SDCCAG8: variants seen among roughly 807,000 people sequenced by gnomAD.
The protein encoded by SDCCAG8 is serologically defined colon cancer antigen 8.
In SDCCAG8, 74 loss-of-function variants were observed where a neutral mutation model predicts 101.8. The ratio of observed to expected loss-of-function variants is 0.73; its 90% CI spans 0.60 to 0.88. The LOEUF (loss-of-function observed/expected upper bound fraction) is 0.88, where lower values mean the gene tolerates loss of function less well. SDCCAG8 is among the 40% of genes least tolerant of loss of function. The pLI is 0.00. For missense variants in SDCCAG8, 787 were observed against 822.6 expected, an observed-to-expected ratio of 0.96 and a Z score of 0.53; for synonymous variants, 281 against 292.9, an observed-to-expected ratio of 0.96 and a Z score of 0.41.
At chr1:243,283,999 C>T (rs2069336289) in intron 4 of SDCCAG8, among the ~76,000 whole-genome samples, 1 of 152,216 alleles carries the variant, frequency 6.6e-6, no homozygotes, top group African/African-American at 2.4e-5. Flanking sequence ...CCACCTTGGC[C>T]TCCCAAAGTG....
intron 6 of SDCCAG8, among the ~76,000 whole-genome samples, chr1:243,304,472 C>A (rs1021133390): frequency 1.3e-5 from 2 of 152,086 alleles, no homozygotes; most frequent in Non-Finnish European, 2.9e-5. Context: ...AGGGATAAGA[C>A]CTGATATATG....
chr1:243,267,762 C>G lies in SDCCAG8; in HGVS notation c.68-2343C>G, dbSNP rs938895106. 1.0e-5 allele frequency: 8 copies of G among 801,180 alleles called. No homozygotes were observed. The African/African-American group carries it at 1.3e-4, about 13-fold the overall frequency. 49.6% of individuals were successfully genotyped at this position (801,180 alleles called of 1,614,324 possible). A position where few individuals can be genotyped will look rare whatever the true frequency, so the allele number is the denominator to read the frequency against. ...CTTGGATCCTTGGCGATCCTTAGAG[C>G]CACTCAATACTTCTGCCCCAATTTC... is the stretch of plus-strand genomic sequence containing the variant. On this transcript the variant is annotated intron_variant, in intron 1 of 17. Transcript: ENST00000366541.
intron 1 of SDCCAG8, among the ~76,000 whole-genome samples, chr1:243,269,474 G>C (rs2067905812): frequency 6.6e-6 from 1 of 151,950 alleles, no homozygotes; most frequent in African/African-American, 2.4e-5. Context: ...TCTAGGGGTG[G>C]TCAGTTGCAC....
At chr1:243,310,711 T>G (rs1040537787) in intron 8 of SDCCAG8, among the ~76,000 whole-genome samples, 6 of 152,170 alleles carry the variant, frequency 3.9e-5, no homozygotes, top group African/African-American at 1.4e-4. Flanking sequence ...AGAAAAAATA[T>G]TTGCACTATA....
Position 243,471,022 on chromosome 1 carries a change from C to T in SDCCAG8, c.1986-17992C>T, listed in dbSNP as rs78936108. 2.0e-5 allele frequency among the ~76,000 whole-genome samples: 3 copies of T among 152,246 alleles called. No individual in the cohort carries two copies. In the East Asian group the frequency reaches 5.8e-4, roughly 29 times the overall value. ...AAATATCTGTATAGGCAGAGGTACA[C>T]AAGCATGCTCTCCCCTCAGTCTGTC... On this transcript the variant is annotated intron_variant, in intron 16 of 17. Transcript: ENST00000366541.
intron 12 of SDCCAG8, among the ~76,000 whole-genome samples, chr1:243,355,440 C>T (rs375065058): frequency 7.3e-4 from 111 of 152,004 alleles, no homozygotes; most frequent in African/African-American, 2.6e-3. Context: ...CATTAAAGTG[C>T]GAGGGGACGC....
At chr1:243,321,778 A>T (rs2073778250) in intron 9 of SDCCAG8, among the ~76,000 whole-genome samples, 1 of 152,110 alleles carries the variant, frequency 6.6e-6, no homozygotes, top group Non-Finnish European at 1.5e-5. Flanking sequence ...CCTCCCGAGT[A>T]GCTGGGATTA....
chr1:243,330,479 C>T, intron 9 of SDCCAG8, 61 bp from the exon 10 acceptor site: 1 of 1,545,518 alleles, frequency 6.5e-7, no homozygotes, highest in South Asian at 1.1e-5. Context: ...TTAATTATGT[C>T]ATTTTACCTA....
chr1:243,391,717 C>T (rs2078711250), intron 13 of SDCCAG8, among the ~76,000 whole-genome samples: 1 of 152,188 alleles, frequency 6.6e-6, no homozygotes, highest in Admixed American at 6.5e-5. Flanking sequence ...CTATTCCTGA[C>T]CAGGAGATTT....
At chr1:243,346,509 T>C (rs1366107416) in intron 12 of SDCCAG8, among the ~76,000 whole-genome samples, 1 of 152,178 alleles carries the variant, frequency 6.6e-6, no homozygotes, top group African/African-American at 2.4e-5. Flanking sequence ...AACTGTGAGA[T>C]TGGAATGTGT....
chr1:243,265,031 A>G (rs2067479960), intron 1 of SDCCAG8, among the ~76,000 whole-genome samples: 1 of 152,198 alleles, frequency 6.6e-6, no homozygotes, highest in Non-Finnish European at 1.5e-5. Flanking sequence ...AGATAACTGC[A>G]TCTGGGGAGT....
At chr1:243,366,435 A>G (rs1276697388) in intron 12 of SDCCAG8, among the ~76,000 whole-genome samples, 2 of 151,994 alleles carry the variant, frequency 1.3e-5, no homozygotes, top group African/African-American at 4.8e-5. Flanking sequence ...ATATTTCAAT[A>G]TAATTTCAAT....
chr1:243,409,953 A>G (rs1378792312), intron 13 of SDCCAG8, among the ~76,000 whole-genome samples: 2 of 152,152 alleles, frequency 1.3e-5, no homozygotes, highest in Non-Finnish European at 2.9e-5. Flanking sequence ...CTCCCAACAA[A>G]TTACCTCTTA....
chr1:243,476,506 T>C, intron 16 of SDCCAG8: 1 of 358,312 alleles, frequency 2.8e-6, no homozygotes, highest in South Asian at 1.1e-4. Flanking sequence ...GTGTGGAACG[T>C]GACATACTCT....
intron 12 of SDCCAG8, 85 bp from the exon 13 acceptor site, chr1:243,378,636 C>A: frequency 6.9e-7 from 1 of 1,440,686 alleles, no homozygotes. Flanking sequence ...AATTGAAATT[C>A]ATGGCAAAAA....
chr1:243,426,886 G>T (rs1313311155), intron 16 of SDCCAG8, among the ~76,000 whole-genome samples: 1 of 152,180 alleles, frequency 6.6e-6, no homozygotes, highest in Non-Finnish European at 1.5e-5. Context: ...ATCTCTCCTA[G>T]AAATTAGATT....
In SDCCAG8 at chr1:243,471,625, G is replaced by A. The variant is rs139282806; in HGVS notation, c.1986-17389G>A. On this transcript the variant is annotated intron_variant, in intron 16 of 17. Coordinates refer to ENST00000366541, the MANE Select transcript of SDCCAG8 (RefSeq NM_006642.5). ...TGCTATCAGGGGTTGGGGGGTGGAG[G>A]GAGGATGATGTATCCACCCATCAGA... Among the ~76,000 whole-genome samples, 580 of 152,230 alleles carry A rather than the reference G, an allele frequency of 3.8e-3. 2 individuals carry two copies. The highest frequency in any genetic ancestry group is 6.7e-3 in the Non-Finnish European group (454 of 68,010).
At chr1:243,268,471 A>C (rs1168194314) in intron 1 of SDCCAG8, among the ~76,000 whole-genome samples, 1 of 152,216 alleles carries the variant, frequency 6.6e-6, no homozygotes, top group Non-Finnish European at 1.5e-5. Context: ...TTCATTAGTA[A>C]TCAGCGCCAA....
In SDCCAG8 at chr1:243,256,181, A is replaced by ACGCAT; in HGVS notation, c.8_9insCGCAT (p.Lys3AsnfsTer32). 6.2e-7 allele frequency: 1 copy of ACGCAT among 1,614,158 alleles called. No individual in the cohort carries two copies. The highest frequency in any genetic ancestry group is 8.5e-7 in the Non-Finnish European group (1 of 1,179,978). ...TGGGCCTAGAGTGCGTGCATGGCGA[A>ACGCAT]GTCCCCGGAGAACTCTACCCTGGAG... On this transcript the variant is annotated frameshift_variant, in exon 1 of 18. Coordinates refer to ENST00000366541, the MANE Select transcript of SDCCAG8 (RefSeq NM_006642.5). LOFTEE classifies it high-confidence loss of function.
Sources: allele counts gnomAD v4.1 joint callset (sites outside exome capture counted in the v4.1 genomes callset), GRCh38; gene constraint gnomAD v4.1.1; transcripts MANE v1.5; gene names NCBI Gene and HGNC (gene_info 2026-07-23, HGNC 2026-07-21).